The following GLIS3 variants were observed in gnomAD, a reference collection of about 807,000 sequenced individuals.
GLIS3 encodes the protein GLIS family zinc finger 3, also known as zinc finger protein GLIS3.
In GLIS3, 53 loss-of-function variants were observed where a neutral mutation model predicts 78.6. That is an observed-to-expected ratio of 0.67 (90% CI 0.54 to 0.85). The LOEUF (loss-of-function observed/expected upper bound fraction) is 0.85. Ranked by LOEUF, GLIS3 falls within the 40% of genes least tolerant of loss-of-function variation. The pLI is 0.00. For missense variants in GLIS3, 1,703 were observed against 1,231.1 expected, an observed-to-expected ratio of 1.38 and a Z score of -5.74; for synonymous variants, 684 against 509.9, an observed-to-expected ratio of 1.34 and a Z score of -4.60.
intron 2 of GLIS3, among the ~76,000 whole-genome samples, chr9:4,192,963 G>T (rs1449709276): frequency 6.6e-6 from 1 of 152,240 alleles, no homozygotes; most frequent in Non-Finnish European, 1.5e-5. Context: ...TCTGAAGAGT[G>T]CAGTGCAAGC....
intron 6 of GLIS3, chr9:3,901,285 C>T (rs533449742): frequency 3.7e-4 from 60 of 161,568 alleles, no homozygotes; most frequent in African/African-American, 1.1e-3. Flanking sequence ...ATTAGGCACG[C>T]GCTTAACACT....
At chr9:3,831,934 A>G (rs1178385736) in intron 9 of GLIS3, among the ~76,000 whole-genome samples, 4 of 152,012 alleles carry the variant, frequency 2.6e-5, no homozygotes, top group Admixed American at 1.3e-4. Flanking sequence ...GCAAGTTACC[A>G]TATCTATAGT....
chr9:4,114,432 A>C (rs1251200238), intron 4 of GLIS3, among the ~76,000 whole-genome samples: 1 of 152,170 alleles, frequency 6.6e-6, no homozygotes, highest in African/African-American at 2.4e-5. Flanking sequence ...GGACAAATTC[A>C]GAGACTCCAT....
At chr9:4,456,054 G>T in the GLIS3 span, among the ~76,000 whole-genome samples, 1 of 152,078 alleles carries the variant, frequency 6.6e-6, no homozygotes, top group Non-Finnish European at 1.5e-5. Context: ...GTTGCAGTGA[G>T]CTGAGATCAC....
the GLIS3 span, among the ~76,000 whole-genome samples, chr9:4,420,443 C>G: frequency 6.6e-6 from 1 of 152,156 alleles, no homozygotes; most frequent in African/African-American, 2.4e-5. Context: ...GAACCTCAAA[C>G]CATTACTCGT....
intron 4 of GLIS3, among the ~76,000 whole-genome samples, chr9:4,011,174 G>A (rs1821974647): frequency 1.3e-5 from 2 of 152,214 alleles, no homozygotes; most frequent in South Asian, 2.1e-4. Context: ...TTTATGCATA[G>A]GAAGCGCTAC....
chr9:4,091,374 A>T (rs542266471), intron 4 of GLIS3, among the ~76,000 whole-genome samples: 1 of 152,128 alleles, frequency 6.6e-6, no homozygotes, highest in South Asian at 2.1e-4. Flanking sequence ...CTCAAAAAAA[A>T]TTAAGTTAAA....
chr9:3,931,858 T>C (rs1825641501), intron 6 of GLIS3, among the ~76,000 whole-genome samples: 2 of 152,230 alleles, frequency 1.3e-5, no homozygotes, highest in African/African-American at 4.8e-5. Flanking sequence ...AGAAATCTGC[T>C]TTTTCTCTAA....
intron 4 of GLIS3, among the ~76,000 whole-genome samples, chr9:4,016,466 A>T (rs1822446614): frequency 1.3e-5 from 2 of 152,192 alleles, no homozygotes; most frequent in Non-Finnish European, 1.5e-5. Flanking sequence ...AAACAGAACA[A>T]AGGGACTTGA....
chr9:4,130,048 G>A (rs554654978), intron 2 of GLIS3, among the ~76,000 whole-genome samples: 1 of 152,286 alleles, frequency 6.6e-6, no homozygotes, highest in African/African-American at 2.4e-5. Context: ...CCCTGCTCTC[G>A]GGATCTGTGG....
chr9:3,857,899 A>T (rs1301697166), intron 8 of GLIS3, among the ~76,000 whole-genome samples: 1 of 152,172 alleles, frequency 6.6e-6, no homozygotes. Context: ...AACGTGTCTT[A>T]CAAGTTGCTC....
intron 2 of GLIS3, among the ~76,000 whole-genome samples, chr9:4,314,986 C>T (rs1043694470): frequency 2.0e-5 from 3 of 152,332 alleles, no homozygotes; most frequent in African/African-American, 7.2e-5. Flanking sequence ...TTGCCAAGAC[C>T]ATAGCTTGTG....
At chr9:4,470,053 G>C in the GLIS3 span, among the ~76,000 whole-genome samples, 1 of 152,170 alleles carries the variant, frequency 6.6e-6, no homozygotes, top group South Asian at 2.1e-4. Context: ...GACTAAAACA[G>C]AAAGAAGTTA....
chr9:4,332,002 T>C (rs1198883334), intron 2 of GLIS3, among the ~76,000 whole-genome samples: 1 of 152,220 alleles, frequency 6.6e-6, no homozygotes, highest in Non-Finnish European at 1.5e-5. Context: ...TTGGGAGTCC[T>C]TATGTACTTA....
chr9:4,162,713 T>C (rs975852148), intron 2 of GLIS3, among the ~76,000 whole-genome samples: 5 of 151,682 alleles, frequency 3.3e-5, no homozygotes, highest in Non-Finnish European at 7.4e-5. Context: ...AAAAATAAGC[T>C]GGGCATAGTG....
Position 4,276,254 on chromosome 9 carries a change from C to T in GLIS3, c.388+9784G>A, listed in dbSNP as rs1267083301. On this transcript the variant is annotated intron_variant, in intron 2 of 10. Coordinates refer to ENST00000381971, the MANE Select transcript of GLIS3 (RefSeq NM_001042413.2). ...GCCCAGATAGTGCCAGTGCACTGGG[C>T]AACAGAGTAAGACTGAAAGAAAAGA... Among the ~76,000 whole-genome samples the T allele has an allele frequency of 2.3e-5, 3 of 132,162 alleles. No homozygotes were observed. In the Admixed American group the frequency reaches 2.5e-4, roughly 11 times the overall value. 86.7% of individuals were successfully genotyped at this position (132,162 alleles called of 152,430 possible).
the GLIS3 span, among the ~76,000 whole-genome samples, chr9:4,381,698 C>A: frequency 1.3e-5 from 2 of 152,212 alleles, no homozygotes; most frequent in African/African-American, 4.8e-5. Context: ...TGCCCCTGAG[C>A]TGCACTTTCA....
chr9:4,376,775 T>C, the GLIS3 span, among the ~76,000 whole-genome samples: 22 of 136,072 alleles, frequency 1.6e-4, 5 homozygotes, highest in African/African-American at 4.9e-4. Context: ...TTAATGAGAA[T>C]ACTCAATGCT....
At chr9:4,354,315 G>A in the GLIS3 span, among the ~76,000 whole-genome samples, 5 of 152,188 alleles carry the variant, frequency 3.3e-5, no homozygotes, top group Non-Finnish European at 5.9e-5. Context: ...GATTTAGTTC[G>A]CACTCTTGAA....
Sources: gnomAD v4.1 joint callset for allele counts (sites outside exome capture counted in the v4.1 genomes callset) on GRCh38, gnomAD v4.1.1 for gene constraint, MANE v1.5 for transcripts, NCBI Gene and HGNC (gene_info 2026-07-23, HGNC 2026-07-21) for gene names.